Variants in NRG3 observed in about 807,000 individuals in gnomAD.
NRG3 encodes the protein neuregulin 3.
Under a neutral mutation model 66.9 loss-of-function variants are expected in NRG3, and 31 were observed. The ratio of observed to expected loss-of-function variants is 0.46; its 90% CI spans 0.35 to 0.63. The LOEUF (loss-of-function observed/expected upper bound fraction) is 0.63. Among genes scored for constraint, NRG3 ranks in the 20% least tolerant of loss-of-function variants. The probability of loss-of-function intolerance (pLI) is 0.00; values close to 1 mark genes in which losing one functional copy is unlikely to be tolerated. For synonymous variants in NRG3, 393 were observed against 359.4 expected (o/e 1.09, Z -1.06); for missense variants, 910 against 878.9 (o/e 1.04, Z -0.45).
chr10:82,821,032 A>T (rs768905059), intron 3 of NRG3, among the ~76,000 whole-genome samples: 4 of 152,218 alleles, frequency 2.6e-5, no homozygotes, highest in Non-Finnish European at 5.9e-5. Context: ...GAATATCTTA[A>T]AAATGGCTCC....
intron 3 of NRG3, among the ~76,000 whole-genome samples, chr10:82,782,972 A>G (rs1374041309): frequency 1.3e-5 from 2 of 152,238 alleles, no homozygotes; most frequent in Non-Finnish European, 2.9e-5. Flanking sequence ...AAATACTGGC[A>G]AACCAAATCC....
At chr10:82,471,579 C>A (rs1211304459) in intron 2 of NRG3, among the ~76,000 whole-genome samples, 8 of 152,116 alleles carry the variant, frequency 5.3e-5, no homozygotes, top group African/African-American at 1.9e-4. Context: ...TGTAACATAA[C>A]TTCAGGGAAA....
intron 2 of NRG3, among the ~76,000 whole-genome samples, chr10:82,480,822 C>T (rs1411280743): frequency 6.6e-6 from 1 of 152,200 alleles, no homozygotes; most frequent in Non-Finnish European, 1.5e-5. Flanking sequence ...CATGGTCAAG[C>T]CTAGTGCTGA....
At chr10:82,260,019 C>G (rs1457738264) in intron 1 of NRG3, among the ~76,000 whole-genome samples, 2 of 152,022 alleles carry the variant, frequency 1.3e-5, no homozygotes. Flanking sequence ...CAAGTATTTC[C>G]TGTTGCTACA....
At chr10:82,797,215 T>C (rs1026539527) in intron 3 of NRG3, among the ~76,000 whole-genome samples, 5 of 152,214 alleles carry the variant, frequency 3.3e-5, no homozygotes, top group Non-Finnish European at 7.3e-5. Context: ...TACTGCTTCC[T>C]GCTCTAATTC....
At chr10:82,299,917 A>G (rs575571972) in intron 1 of NRG3, among the ~76,000 whole-genome samples, 2 of 152,318 alleles carry the variant, frequency 1.3e-5, no homozygotes, top group African/African-American at 4.8e-5. Context: ...CAACCCCATT[A>G]TACCTGAAAA....
At chr10:82,439,757 G>T (rs2090336466) in intron 2 of NRG3, among the ~76,000 whole-genome samples, 1 of 151,818 alleles carries the variant, frequency 6.6e-6, no homozygotes, top group African/African-American at 2.4e-5. Context: ...AAATTAATTT[G>T]GTCATGGTGT....
chr10:82,549,515 AAAGT>A (rs2044162716), intron 2 of NRG3, among the ~76,000 whole-genome samples: 1 of 152,160 alleles, frequency 6.6e-6, no homozygotes, highest in African/African-American at 2.4e-5. Context: ...TTGATTTTCT[AAAGT>A]AAGAGATTTT....
Position 82,051,355 on chromosome 10 carries a change from A to G in NRG3, c.823+175192A>G, listed in dbSNP as rs1036645991. Among the ~76,000 whole-genome samples the G allele has an allele frequency of 6.9e-4, 105 of 152,124 alleles. 1 individual carries two copies. Among genetic ancestry groups the G allele is most frequent in the African/African-American group, 2.0e-3 (83 of 41,440 alleles). Reference sequence around the variant, plus strand: ...CAAGGTATTTCTGTTAGGGACCTCCATGGGCCTTCACTCTAACCAACTTTT... The same window carrying G: ...CAAGGTATTTCTGTTAGGGACCTCCGTGGGCCTTCACTCTAACCAACTTTT... On this transcript the variant is annotated intron_variant, in intron 1 of 8. Transcript: ENST00000372141.
At chr10:82,805,532 C>T (rs1187169611) in intron 3 of NRG3, among the ~76,000 whole-genome samples, 1 of 152,066 alleles carries the variant, frequency 6.6e-6, no homozygotes. Context: ...TTAAATCTTT[C>T]CTCCTCCGTT....
At chr10:82,170,674 A>ATG (rs2072522719) in intron 1 of NRG3, among the ~76,000 whole-genome samples, 1 of 111,534 alleles carries the variant, frequency 9.0e-6, no homozygotes, top group African/African-American at 4.0e-5. Flanking sequence ...ATATATATAT[A>ATG]TATATATATA....
chr10:81,968,933 G>T (rs1589633276), intron 1 of NRG3, among the ~76,000 whole-genome samples: 2 of 152,314 alleles, frequency 1.3e-5, no homozygotes, highest in East Asian at 1.9e-4. Flanking sequence ...AGGCGAGGTT[G>T]TTAGGTCTAG....
At chr10:82,455,654 G>A (rs575028017) in intron 2 of NRG3, among the ~76,000 whole-genome samples, 5 of 145,420 alleles carry the variant, frequency 3.4e-5, no homozygotes, top group African/African-American at 1.3e-4. Context: ...TCACTCTGTC[G>A]CCCAGGCTGG....
chr10:82,887,285 C>T lies in NRG3; in HGVS notation c.1054+21848C>T, dbSNP rs140532871. On this transcript the variant is annotated intron_variant, in intron 4 of 8. Transcript: ENST00000372141. ...TTAATGATTTTACATACCCAAGCAT[C>T]AGCTCCGATTACGCTGAAAGTGTGA... is the stretch of plus-strand genomic sequence containing the variant. 3.0e-3 allele frequency among the ~76,000 whole-genome samples: 450 copies of T among 152,300 alleles called. 2 individuals carry two copies. The highest frequency in any genetic ancestry group is 4.2e-3 in the Non-Finnish European group (283 of 68,024).
intron 2 of NRG3, among the ~76,000 whole-genome samples, chr10:82,504,861 A>AC (rs1844527369): frequency 6.6e-6 from 1 of 150,614 alleles, no homozygotes; most frequent in Non-Finnish European, 1.5e-5. Context: ...TATACATCAC[A>AC]CTTTTTTTTA....
chr10:82,440,987 AAATG>A (rs1041625860), intron 2 of NRG3, among the ~76,000 whole-genome samples: 1 of 152,206 alleles, frequency 6.6e-6, no homozygotes, highest in Non-Finnish European at 1.5e-5. Context: ...TTCTTCCCAG[AAATG>A]AATGTGGCTA....
intron 1 of NRG3, among the ~76,000 whole-genome samples, chr10:82,079,989 C>A (rs2133398675): frequency 6.6e-6 from 1 of 152,260 alleles, no homozygotes; most frequent in East Asian, 1.9e-4. Context: ...TTCAAAAAAT[C>A]TAACAATTTC....
intron 2 of NRG3, among the ~76,000 whole-genome samples, chr10:82,680,147 C>T (rs1441084948): frequency 6.6e-6 from 1 of 152,078 alleles, no homozygotes; most frequent in African/African-American, 2.4e-5. Flanking sequence ...CTGTTAATAC[C>T]ACCCTATGAA....
intron 1 of NRG3, among the ~76,000 whole-genome samples, chr10:82,131,680 C>A (rs981285509): frequency 6.6e-6 from 1 of 151,828 alleles, no homozygotes; most frequent in Non-Finnish European, 1.5e-5. Flanking sequence ...CATGGAATAT[C>A]TTTATTTTTT....
Sources: gnomAD v4.1 joint callset for allele counts (sites outside exome capture counted in the v4.1 genomes callset) on GRCh38, gnomAD v4.1.1 for gene constraint, MANE v1.5 for transcripts, NCBI Gene and HGNC (gene_info 2026-07-23, HGNC 2026-07-21) for gene names.